The following CCDC60 variants were observed in gnomAD, a reference collection of about 807,000 sequenced individuals.
CCDC60 encodes the protein coiled-coil domain-containing protein 60.
CCDC60 carries 54 observed loss-of-function variants against 63.5 expected under a neutral mutation model. The ratio of observed to expected loss-of-function variants is 0.85; its 90% confidence interval spans 0.68 to 1.07. CCDC60 has a LOEUF of 1.07. Among genes scored for constraint, CCDC60 ranks in the 50% least tolerant of loss-of-function variants. The probability of loss-of-function intolerance (pLI) is 0.00; values close to 1 mark genes in which losing one functional copy is unlikely to be tolerated. For missense variants in CCDC60, 651 were observed against 684.3 expected (o/e 0.95, Z 0.54); for synonymous variants, 206 against 238.8 (o/e 0.86, Z 1.27).
chr12:119,336,454 G>A (rs1955472942), intron 1 of CCDC60, among the ~76,000 whole-genome samples: 1 of 152,112 alleles, frequency 6.6e-6, no homozygotes, highest in South Asian at 2.1e-4. Context: ...TGACACTGTA[G>A]AACATCAGAA....
At chr12:119,391,194 A>G (rs1311973916) in intron 1 of CCDC60, among the ~76,000 whole-genome samples, 1 of 152,232 alleles carries the variant, frequency 6.6e-6, no homozygotes, top group East Asian at 1.9e-4. Context: ...TCTAAGCCAC[A>G]GTAGGACCAG....
At chr12:119,538,829 A>G (rs1399522088) in intron 13 of CCDC60, among the ~76,000 whole-genome samples, 1 of 152,050 alleles carries the variant, frequency 6.6e-6, no homozygotes, top group Non-Finnish European at 1.5e-5. Context: ...TCATGGATTT[A>G]TCTACTTTTG....
At chr12:119,432,396 G>C (rs960633497) in intron 2 of CCDC60, among the ~76,000 whole-genome samples, 4 of 152,248 alleles carry the variant, frequency 2.6e-5, no homozygotes, top group Non-Finnish European at 5.9e-5. Context: ...GATCAGAAGA[G>C]AGGTTCCAAA....
At chr12:119,361,289 T>C (rs1254447315) in intron 1 of CCDC60, among the ~76,000 whole-genome samples, 1 of 152,018 alleles carries the variant, frequency 6.6e-6, no homozygotes, top group East Asian at 1.9e-4. Context: ...CCTCTCAAAT[T>C]TACACAAGCA....
At chr12:119,408,793 C>G (rs1956540495) in intron 1 of CCDC60, among the ~76,000 whole-genome samples, 1 of 151,956 alleles carries the variant, frequency 6.6e-6, no homozygotes, top group Non-Finnish European at 1.5e-5. Context: ...CCACTGCACT[C>G]CAGCCTGGGT....
intron 6 of CCDC60, among the ~76,000 whole-genome samples, chr12:119,503,498 T>C (rs1259518047): frequency 6.6e-6 from 1 of 152,236 alleles, no homozygotes. Flanking sequence ...GAAGATCTGG[T>C]TAAATCCAGT....
intron 1 of CCDC60, among the ~76,000 whole-genome samples, chr12:119,364,982 T>C (rs1027099942): frequency 1.3e-5 from 2 of 152,108 alleles, no homozygotes; most frequent in Admixed American, 6.5e-5. Context: ...TGGAAGGCAG[T>C]TGGAAATTAG....
chr12:119,472,576 CTTTTTTTT>C (rs11303138), intron 3 of CCDC60, among the ~76,000 whole-genome samples: 1 of 97,646 alleles, frequency 1.0e-5, no homozygotes, highest in Non-Finnish European at 1.9e-5. Flanking sequence ...AAAATGCCTC[CTTTTTTTT>C]TTTTTTTTTT....
chr12:119,430,983 T>C (rs1316625477), intron 2 of CCDC60, among the ~76,000 whole-genome samples: 1 of 152,142 alleles, frequency 6.6e-6, no homozygotes, highest in Non-Finnish European at 1.5e-5. Context: ...AGAGCTGAGC[T>C]CAAAGGCAGC....
chr12:119,479,068 T>C (rs1298756678), intron 3 of CCDC60, 26 bp from the exon 4 acceptor site: 2 of 1,528,698 alleles, frequency 1.3e-6, no homozygotes, highest in East Asian at 2.2e-5. Context: ...TTGTTCACAT[T>C]GTTTCTCTGT....
intron 1 of CCDC60, among the ~76,000 whole-genome samples, chr12:119,370,754 A>G (rs1955889300): frequency 6.6e-6 from 1 of 152,218 alleles, no homozygotes; most frequent in African/African-American, 2.4e-5. Flanking sequence ...TGAGGCAGGC[A>G]TAGTGGCTCA....
chr12:119,373,568 G>A (rs1017794649), intron 1 of CCDC60, among the ~76,000 whole-genome samples: 1 of 150,978 alleles, frequency 6.6e-6, no homozygotes, highest in Non-Finnish European at 1.5e-5. Context: ...GAGGAGCAGC[G>A]TGGTGGACTT....
At chr12:119,537,283 C>T (rs1179635626) in intron 13 of CCDC60, among the ~76,000 whole-genome samples, 1 of 152,216 alleles carries the variant, frequency 6.6e-6, no homozygotes, top group African/African-American at 2.4e-5. Flanking sequence ...GTCTTCTCTT[C>T]ACTGTTTATT....
At chr12:119,338,892 C>T (rs1955502400) in intron 1 of CCDC60, among the ~76,000 whole-genome samples, 1 of 152,138 alleles carries the variant, frequency 6.6e-6, no homozygotes, top group African/African-American at 2.4e-5. Flanking sequence ...TCAAAAGGGT[C>T]TCGAAGCCCT....
At chr12:119,421,413 T>C (rs958899635) in intron 1 of CCDC60, among the ~76,000 whole-genome samples, 3 of 152,072 alleles carry the variant, frequency 2.0e-5, no homozygotes, top group Non-Finnish European at 4.4e-5. Flanking sequence ...GGGATGGGGG[T>C]GCAGAATGGA....
intron 7 of CCDC60, among the ~76,000 whole-genome samples, chr12:119,507,589 TACATA>T (rs1952072393): frequency 7.2e-5 from 3 of 41,740 alleles, no homozygotes; most frequent in East Asian, 1.4e-3. Context: ...CACATATATA[TACATA>T]TATATATATA....
intron 3 of CCDC60, among the ~76,000 whole-genome samples, chr12:119,476,423 G>A (rs1951179631): frequency 6.6e-6 from 1 of 152,154 alleles, no homozygotes; most frequent in South Asian, 2.1e-4. Context: ...GGTTTTCTCA[G>A]CTCTAGGATT....
intron 1 of CCDC60, among the ~76,000 whole-genome samples, chr12:119,426,586 T>C (rs961918604): frequency 1.3e-5 from 2 of 152,190 alleles, no homozygotes; most frequent in Non-Finnish European, 2.9e-5. Flanking sequence ...CTCAAATTCC[T>C]GAGCTCAAGC....
chr12:119,433,238 G>C (rs536022610), intron 2 of CCDC60: 1 of 603,552 alleles, frequency 1.7e-6, no homozygotes, highest in African/African-American at 1.9e-5. Context: ...CACAGACCCA[G>C]TAGAATAGAG....
Sources: allele counts gnomAD v4.1 joint callset (sites outside exome capture counted in the v4.1 genomes callset), GRCh38; gene constraint gnomAD v4.1.1; transcripts MANE v1.5; gene names NCBI Gene and HGNC (gene_info 2026-07-23, HGNC 2026-07-21).